Variants in PXDNL observed in about 807,000 individuals in gnomAD.
PXDNL encodes probable oxidoreductase PXDNL.
PXDNL carries 145 observed loss-of-function variants against 150.8 expected under a neutral mutation model. The observed-to-expected ratio is 0.96, with a 90% CI of 0.84 to 1.10. The LOEUF (loss-of-function observed/expected upper bound fraction) is 1.10. PXDNL is among the 50% of genes least tolerant of loss of function. PXDNL has a pLI of 0.00. For missense variants in PXDNL, 2,087 were observed against 1,873.9 expected (o/e 1.11, Z -2.10); for synonymous variants, 757 against 725.7 (o/e 1.04, Z -0.69).
intron 1 of PXDNL, among the ~76,000 whole-genome samples, chr8:51,694,368 A>G (rs552621034): frequency 9.7e-5 from 5 of 51,328 alleles, no homozygotes; most frequent in African/African-American, 4.0e-4. Context: ...GTCTCAAACA[A>G]ACAAAAAAAA....
chr8:51,642,408 A>G (rs902578690), intron 2 of PXDNL, among the ~76,000 whole-genome samples: 1 of 152,186 alleles, frequency 6.6e-6, no homozygotes, highest in African/African-American at 2.4e-5. Context: ...AATAAACATA[A>G]TCCAGCATAT....
At chr8:51,670,939 A>T (rs1815487819) in intron 1 of PXDNL, among the ~76,000 whole-genome samples, 1 of 152,240 alleles carries the variant, frequency 6.6e-6, no homozygotes, top group South Asian at 2.1e-4. Context: ...GCCATGCATA[A>T]AGAAGAATGC....
At chr8:51,647,481 A>C (rs1814943798) in intron 2 of PXDNL, among the ~76,000 whole-genome samples, 1 of 152,232 alleles carries the variant, frequency 6.6e-6, no homozygotes, top group African/African-American at 2.4e-5. Flanking sequence ...TCCACTGAGC[A>C]CTGTGCAAGC....
chr8:51,714,778 C>T (rs1279276117), intron 1 of PXDNL, among the ~76,000 whole-genome samples: 3 of 152,180 alleles, frequency 2.0e-5, no homozygotes, highest in African/African-American at 7.2e-5. Flanking sequence ...AATACCTTTC[C>T]ATTCAGACAC....
At chr8:51,789,067 C>T (rs1043267835) in intron 1 of PXDNL, among the ~76,000 whole-genome samples, 1 of 152,068 alleles carries the variant, frequency 6.6e-6, no homozygotes, top group Admixed American at 6.6e-5. Flanking sequence ...GTGCTATCTG[C>T]CCATCCTTTT....
chr8:51,380,976 C>A (rs1807515670), intron 17 of PXDNL, among the ~76,000 whole-genome samples: 1 of 152,000 alleles, frequency 6.6e-6, no homozygotes, highest in Non-Finnish European at 1.5e-5. Context: ...CTGAAACGAA[C>A]CTATTATGAT....
At chr8:51,661,773 G>A (rs1815275195) in intron 1 of PXDNL, among the ~76,000 whole-genome samples, 1 of 152,190 alleles carries the variant, frequency 6.6e-6, no homozygotes, top group South Asian at 2.1e-4. Flanking sequence ...CAGAAAGGAA[G>A]GGCATTCCCT....
chr8:51,476,834 G>T (rs182622367), intron 6 of PXDNL, among the ~76,000 whole-genome samples: 102 of 152,278 alleles, frequency 6.7e-4, no homozygotes, highest in African/African-American at 2.4e-3. Flanking sequence ...ATACCTGATT[G>T]TAAGAAGTAG....
At chr8:51,807,838 C>G (rs1345529188) in intron 1 of PXDNL, among the ~76,000 whole-genome samples, 1 of 152,180 alleles carries the variant, frequency 6.6e-6, no homozygotes, top group African/African-American at 2.4e-5. Flanking sequence ...ATTAGACAAG[C>G]AGCCCCTTCT....
At chr8:51,808,293 G>T (rs2037699534) in intron 1 of PXDNL, among the ~76,000 whole-genome samples, 1 of 152,116 alleles carries the variant, frequency 6.6e-6, no homozygotes, top group African/African-American at 2.4e-5. Flanking sequence ...TTATTATAGA[G>T]CAGGAAACCT....
At chr8:51,405,274 T>A (rs1158688245) in intron 17 of PXDNL, among the ~76,000 whole-genome samples, 1 of 152,138 alleles carries the variant, frequency 6.6e-6, no homozygotes, top group Non-Finnish European at 1.5e-5. Context: ...CCTGAGTGGG[T>A]ACCGAGGCCG....
chr8:51,352,305 G>C (rs1424044612), intron 19 of PXDNL, among the ~76,000 whole-genome samples: 1 of 152,108 alleles, frequency 6.6e-6, no homozygotes, highest in Non-Finnish European at 1.5e-5. Context: ...GTTTATCACA[G>C]CTCTACTCAA....
At chr8:51,728,756 G>T (rs1816865894) in intron 1 of PXDNL, among the ~76,000 whole-genome samples, 1 of 152,056 alleles carries the variant, frequency 6.6e-6, no homozygotes, top group African/African-American at 2.4e-5. Flanking sequence ...CTTTATAGTA[G>T]GCTTAGTTTA....
At chr8:51,625,253 T>A (rs1814340575) in intron 2 of PXDNL, among the ~76,000 whole-genome samples, 1 of 152,140 alleles carries the variant, frequency 6.6e-6, no homozygotes, top group South Asian at 2.1e-4. Context: ...CTTAAGATGC[T>A]AAAGACAAAA....
chr8:51,350,513 C>T (rs1301168749), intron 19 of PXDNL, among the ~76,000 whole-genome samples: 2 of 151,948 alleles, frequency 1.3e-5, no homozygotes, highest in African/African-American at 4.8e-5. Context: ...GCCCACACTA[C>T]CCGGCTAATT....
intron 2 of PXDNL, among the ~76,000 whole-genome samples, chr8:51,649,345 G>T (rs1814987937): frequency 6.6e-6 from 1 of 152,176 alleles, no homozygotes; most frequent in African/African-American, 2.4e-5. Flanking sequence ...TATGAGACTT[G>T]AAACTTTCCC....
chr8:51,436,003 T>A (rs572530758), intron 12 of PXDNL: 36 of 527,250 alleles, frequency 6.8e-5, no homozygotes, highest in South Asian at 4.8e-4. Context: ...GCTTTCAAAT[T>A]CACCTCATGG....
intron 19 of PXDNL, among the ~76,000 whole-genome samples, chr8:51,352,176 G>A (rs1288187565): frequency 6.6e-6 from 1 of 152,012 alleles, no homozygotes; most frequent in East Asian, 1.9e-4. Context: ...ATGTACTGTA[G>A]TATGGAGATT....
At chr8:51,738,906 G>A (rs551630161) in intron 1 of PXDNL, among the ~76,000 whole-genome samples, 2 of 132,950 alleles carry the variant, frequency 1.5e-5, no homozygotes, top group East Asian at 4.3e-4. Context: ...GTATTACTCT[G>A]ACAACAAAAT....
Sources: gnomAD v4.1 joint callset for allele counts (sites outside exome capture counted in the v4.1 genomes callset) on GRCh38, gnomAD v4.1.1 for gene constraint, MANE v1.5 for transcripts, NCBI Gene and HGNC (gene_info 2026-07-23, HGNC 2026-07-21) for gene names.